TRMT9B: variants seen among roughly 807,000 people sequenced by gnomAD.
TRMT9B encodes the protein tRNA methyltransferase 9B (putative).
In TRMT9B, 16 loss-of-function variants were observed where a neutral mutation model predicts 11.5. That is an observed-to-expected ratio of 1.39 (90% confidence interval 0.94 to 2.11). The LOEUF (loss-of-function observed/expected upper bound fraction) is 2.11. Among genes scored for constraint, TRMT9B ranks in the 30% most tolerant of loss-of-function variants. TRMT9B has a pLI of 0.00. For missense variants in TRMT9B, 941 were observed against 553.8 expected, an observed-to-expected ratio of 1.70 and a Z score of -7.02; for synonymous variants, 274 against 192.4, an observed-to-expected ratio of 1.42 and a Z score of -3.51.
chr8:12,962,210 C>A (rs1802213933), intron 1 of TRMT9B: 1 of 152,342 alleles, frequency 6.6e-6, no homozygotes, highest in African/African-American at 2.4e-5. Context: ...AGGACACCAT[C>A]ATAACTATGG....
chr8:12,987,400 A>G (rs564182818), intron 1 of TRMT9B, among the ~76,000 whole-genome samples: 11 of 152,266 alleles, frequency 7.2e-5, no homozygotes, highest in African/African-American at 2.2e-4. Flanking sequence ...TAAGTCAAAA[A>G]TGCACTTAGG....
At chr8:13,015,235 T>G (rs1435123668) in intron 4 of TRMT9B, among the ~76,000 whole-genome samples, 1 of 152,122 alleles carries the variant, frequency 6.6e-6, no homozygotes, top group Admixed American at 6.5e-5. Flanking sequence ...TATTTTTATT[T>G]TTTATTTTTC....
At chr8:12,956,747 C>T (rs912728684) in intron 1 of TRMT9B, among the ~76,000 whole-genome samples, 8 of 152,166 alleles carry the variant, frequency 5.3e-5, no homozygotes, top group Non-Finnish European at 8.8e-5. Context: ...TTAAGGATTA[C>T]AGAAATAGAC....
At chr8:13,010,741 C>T in intron 3 of TRMT9B, 2 of 984,046 alleles carry the variant, frequency 2.0e-6, no homozygotes, top group Non-Finnish European at 2.4e-6. Context: ...ATCCCTCGAG[C>T]CAATGAAAAA....
At chr8:12,964,316 G>A (rs537422769) in intron 1 of TRMT9B, among the ~76,000 whole-genome samples, 1 of 152,268 alleles carries the variant, frequency 6.6e-6, no homozygotes, top group Non-Finnish European at 1.5e-5. Context: ...AAATAGTTGT[G>A]TATTTTACAA....
chr8:12,996,447 A>T (rs1449030538), intron 2 of TRMT9B, among the ~76,000 whole-genome samples: 3 of 152,162 alleles, frequency 2.0e-5, no homozygotes, highest in Non-Finnish European at 4.4e-5. Flanking sequence ...ATTTCTTCTG[A>T]GGCAAAACTC....
intron 1 of TRMT9B, among the ~76,000 whole-genome samples, chr8:12,948,599 A>C (rs1300566354): frequency 6.7e-6 from 1 of 150,308 alleles, no homozygotes; most frequent in Non-Finnish European, 1.5e-5. Context: ...ATGATATAAT[A>C]ATAAAATGTA....
At chr8:12,979,144 G>T (rs1804945461) in intron 1 of TRMT9B, among the ~76,000 whole-genome samples, 2 of 152,142 alleles carry the variant, frequency 1.3e-5, no homozygotes, top group African/African-American at 4.8e-5. Flanking sequence ...GGAATGGCAG[G>T]CCTATGAGGA....
chr8:12,978,978 T>G (rs182256859), intron 1 of TRMT9B, among the ~76,000 whole-genome samples: 3 of 152,354 alleles, frequency 2.0e-5, no homozygotes, highest in Non-Finnish European at 2.9e-5. Context: ...TCTTCTGGTG[T>G]GTAAACCTTC....
At chr8:12,993,686 C>G (rs1050326554) in intron 2 of TRMT9B, among the ~76,000 whole-genome samples, 2 of 152,216 alleles carry the variant, frequency 1.3e-5, no homozygotes, top group African/African-American at 4.8e-5. Flanking sequence ...TCAGCAGATT[C>G]TTTTGCTCCA....
intron 2 of TRMT9B, 83 bp from the exon 3 acceptor site, chr8:13,006,119 T>G: frequency 7.3e-7 from 1 of 1,375,516 alleles, no homozygotes; most frequent in Non-Finnish European, 1.0e-6. Flanking sequence ...AGGCTCCAGA[T>G]TTTAGGAAAT....
chr8:12,950,706 A>G (rs1800537324), intron 1 of TRMT9B, among the ~76,000 whole-genome samples: 1 of 152,184 alleles, frequency 6.6e-6, no homozygotes, highest in African/African-American at 2.4e-5. Context: ...CCAGAATCAG[A>G]AACTATATGC....
chr8:12,990,522 T>G (rs1000170611), intron 1 of TRMT9B, among the ~76,000 whole-genome samples: 2 of 152,198 alleles, frequency 1.3e-5, no homozygotes, highest in African/African-American at 4.8e-5. Flanking sequence ...TAGGTAGTAT[T>G]TATTTAATTA....
intron 1 of TRMT9B, among the ~76,000 whole-genome samples, chr8:12,972,533 G>A (rs1323816077): frequency 6.6e-6 from 1 of 152,210 alleles, no homozygotes; most frequent in Non-Finnish European, 1.5e-5. Context: ...GGAACAGGAA[G>A]CAAACAGAGA....
chr8:12,971,579 C>T (rs1260970003), intron 1 of TRMT9B, among the ~76,000 whole-genome samples: 1 of 152,136 alleles, frequency 6.6e-6, no homozygotes, highest in African/African-American at 2.4e-5. Flanking sequence ...AAGTATTTTG[C>T]TGGCTGAATG....
intron 2 of TRMT9B, among the ~76,000 whole-genome samples, chr8:13,005,968 T>G: frequency 6.6e-6 from 1 of 152,234 alleles, no homozygotes; most frequent in East Asian, 1.9e-4. Flanking sequence ...AATTAGCTCT[T>G]TCTCAAAATT....
intron 1 of TRMT9B, among the ~76,000 whole-genome samples, chr8:12,976,264 C>T (rs948170588): frequency 3.9e-5 from 6 of 152,130 alleles, no homozygotes; most frequent in Non-Finnish European, 1.5e-5. Context: ...CCACATGCAG[C>T]TTAACTGAGC....
rs533029489 is a variant in TRMT9B, at chr8:12,948,483, T to G, written c.-200+2517T>G. On this transcript the variant is annotated intron_variant, in intron 1 of 4. Transcript: ENST00000524591. ...TAACACATAATACAATAATTTATAT[T>G]ATATAAATATATTAAAATATATAAT... Among the ~76,000 whole-genome samples, 4 of 147,648 alleles carry G rather than the reference T, an allele frequency of 2.7e-5. No homozygotes were observed. In the East Asian group the frequency reaches 7.8e-4, roughly 29 times the overall value.
intron 2 of TRMT9B, among the ~76,000 whole-genome samples, chr8:13,003,973 C>T (rs1359426221): frequency 2.6e-5 from 4 of 151,666 alleles, no homozygotes; most frequent in Admixed American, 2.6e-4. Context: ...CATGTGCATG[C>T]AGAGAGAATC....
Sources: allele counts gnomAD v4.1 joint callset (sites outside exome capture counted in the v4.1 genomes callset), GRCh38; gene constraint gnomAD v4.1.1; transcripts MANE v1.5; gene names NCBI Gene and HGNC (gene_info 2026-07-23, HGNC 2026-07-21).